Variants in MNDA observed in about 807,000 individuals in gnomAD.
The protein encoded by MNDA is myeloid cell nuclear differentiation antigen, also known as epididymis secretory sperm binding protein.
Under a neutral mutation model 37.8 loss-of-function variants are expected in MNDA, and 43 were observed. The observed-to-expected ratio is 1.14, with a 90% CI of 0.89 to 1.47. The LOEUF (loss-of-function observed/expected upper bound fraction) is 1.47, where lower values mean the gene tolerates loss of function less well. Among genes scored for constraint, MNDA ranks in the 40% most tolerant of loss-of-function variants. The pLI is 0.00. For synonymous variants in MNDA, 181 were observed against 169.0 expected (o/e 1.07, Z -0.55); for missense variants, 536 against 476.0 (o/e 1.13, Z -1.17).
intron 5 of MNDA, 39 bp from the exon 6 acceptor site, chr1:158,847,689 C>G (rs1659162895): frequency 6.4e-7 from 1 of 1,567,296 alleles, no homozygotes. Context: ...ATGATACTAA[C>G]AATCCTCTCA....
intron 1 of MNDA, among the ~76,000 whole-genome samples, chr1:158,840,522 C>T (rs857869): frequency 0.43 from 65,407 of 151,964 alleles, 14,533 homozygotes; most frequent in East Asian, 0.56. Context: ...ATATCAGCCA[C>T]GTATTACTTC....
intron 1 of MNDA, among the ~76,000 whole-genome samples, chr1:158,835,935 A>G (rs185644886): frequency 6.6e-6 from 1 of 151,590 alleles, no homozygotes; most frequent in African/African-American, 2.4e-5. Flanking sequence ...TATTATCTTA[A>G]TTGATTTTTA....
intron 4 of MNDA, among the ~76,000 whole-genome samples, chr1:158,844,662 C>T (rs1409326784): frequency 6.6e-6 from 1 of 151,830 alleles, no homozygotes; most frequent in Non-Finnish European, 1.5e-5. Flanking sequence ...CCAAGTCTTT[C>T]CACTTGTAAA....
rs766380228 is a variant in MNDA at position 158,845,772 on chromosome 1, C to T, written c.756C>T (p.Phe252=). 9 of 1,613,978 alleles carry T rather than the reference C, an allele frequency of 5.6e-6. No homozygotes were observed. The highest frequency in any genetic ancestry group is 1.3e-5 in the African/African-American group (1 of 74,984). The change falls in exon 5 of 7, where the codon TTC becomes TTT. Residue 252 remains phenylalanine, a synonymous_variant. Coordinates refer to ENST00000368141, the MANE Select transcript of MNDA (RefSeq NM_002432.3). ...SKTQYFHVKV[F]DINLKEKFVR... is the part of the protein sequence containing the mutation. ...CTCAATATTTCCATGTGAAAGTCTT[C>T]GACATCAACTTGAAAGAGAAATTTG... is the stretch of plus-strand genomic sequence containing the variant.
chr1:158,843,623 T>C (rs1659073644), intron 3 of MNDA, among the ~76,000 whole-genome samples: 1 of 152,214 alleles, frequency 6.6e-6, no homozygotes, highest in Admixed American at 6.5e-5. Context: ...ATTATAAAAA[T>C]GGGGTAATAA....
In MNDA at chr1:158,844,187, C is replaced by T. The variant is rs542780925; in HGVS notation, c.570+65C>T. ...CCAGTCACAGTGCATTCCACTGTTACTATTGTTACTCTCATGCATAACTCT... is the reference window on the plus strand; with the variant it reads ...CCAGTCACAGTGCATTCCACTGTTATTATTGTTACTCTCATGCATAACTCT... On this transcript the variant is annotated intron_variant, in intron 4 of 6. Coordinates refer to ENST00000368141, the MANE Select transcript of MNDA (RefSeq NM_002432.3). 2.3e-6 allele frequency: 3 copies of T among 1,326,200 alleles called. No homozygotes were observed. In the African/African-American group the frequency reaches 4.4e-5, roughly 20 times the overall value. 82.2% of individuals were successfully genotyped at this position (1,326,200 alleles called of 1,614,324 possible).
At chr1:158,839,003 T>G (rs1470258442) in intron 1 of MNDA, among the ~76,000 whole-genome samples, 2 of 152,196 alleles carry the variant, frequency 1.3e-5, no homozygotes, top group Non-Finnish European at 2.9e-5. Flanking sequence ...TGTCTCTACC[T>G]ATTTTCCTTT....
rs780583030 is a variant in MNDA at position 158,847,778 on chromosome 1, A to T, written c.1038A>T (p.Gly346=). The part of the protein sequence containing the change: ...NTIYEIQDNT[G]SMDVVGSGKW... Reference sequence around the variant, plus strand: ...TTTATGAAATACAGGATAATACAGGATCCATGGATGTAGTGGGGAGTGGAA... The same window carrying T: ...TTTATGAAATACAGGATAATACAGGTTCCATGGATGTAGTGGGGAGTGGAA... Residue 346 remains glycine (G), a synonymous_variant, in exon 6 of 7, where the codon GGA becomes GGT. Transcript: ENST00000368141. The T allele has an allele frequency of 1.7e-5, 27 of 1,613,908 alleles. No homozygotes were observed. The Admixed American group carries it at 4.5e-4, about 27-fold the overall frequency.
intron 2 of MNDA, 106 bp from the exon 3 acceptor site, chr1:158,843,173 C>T: frequency 5.0e-6 from 7 of 1,412,264 alleles, no homozygotes; most frequent in Non-Finnish European, 4.7e-6. Flanking sequence ...CAAATCCGAA[C>T]TCTCATGCAG....
chr1:158,846,461 A>T (rs1659135785), intron 5 of MNDA, among the ~76,000 whole-genome samples: 1 of 152,240 alleles, frequency 6.6e-6, no homozygotes. Context: ...AAATGCAAAT[A>T]CATTCAACAG....
At chr1:158,835,197 A>G (rs957723919) in intron 1 of MNDA, among the ~76,000 whole-genome samples, 7 of 152,190 alleles carry the variant, frequency 4.6e-5, no homozygotes, top group Non-Finnish European at 8.8e-5. Flanking sequence ...ATTGCATTGC[A>G]TATGCAGTTC....
At chr1:158,848,345 A>G (rs1012085399) in intron 6 of MNDA, among the ~76,000 whole-genome samples, 1 of 152,124 alleles carries the variant, frequency 6.6e-6, no homozygotes, top group Non-Finnish European at 1.5e-5. Context: ...TTATCTCACA[A>G]CCTGGCACAT....
intron 2 of MNDA, chr1:158,842,666 A>G (rs1409277627): frequency 3.0e-6 from 1 of 329,538 alleles, no homozygotes; most frequent in African/African-American, 2.1e-5. Context: ...GATTTATGAG[A>G]CGGTGAGTGT....
At chr1:158,843,522 T>A in intron 3 of MNDA, 107 bp downstream of exon 3, 1 of 1,182,682 alleles carries the variant, frequency 8.5e-7, no homozygotes, top group Non-Finnish European at 1.1e-6. Context: ...ACCAAATTAG[T>A]AATTATGGAT....
intron 2 of MNDA, chr1:158,842,630 G>A: frequency 7.5e-6 from 3 of 402,290 alleles, no homozygotes; most frequent in Non-Finnish European, 1.3e-5. Flanking sequence ...ATGTATTTGA[G>A]GTAAGGATAA....
chr1:158,844,145 C>T, intron 4 of MNDA, 23 bp downstream of exon 4: 5 of 1,515,492 alleles, frequency 3.3e-6, no homozygotes, highest in African/African-American at 1.4e-5. Context: ...TGGTCCTCTT[C>T]TCCATTTTTT....
At chr1:158,845,029 C>T (rs1390723354) in intron 4 of MNDA, among the ~76,000 whole-genome samples, 1 of 152,074 alleles carries the variant, frequency 6.6e-6, no homozygotes, top group Non-Finnish European at 1.5e-5. Context: ...ATTTAATTTC[C>T]AAGCCTGTTG....
intron 4 of MNDA, 104 bp from the exon 5 acceptor site, chr1:158,845,483 A>G (rs1362973431): frequency 1.2e-5 from 14 of 1,123,200 alleles, no homozygotes; most frequent in African/African-American, 3.2e-5. Context: ...CTCGTGATCC[A>G]CCCGCCTCGG....
chr1:158,839,845 G>T (rs920150635), intron 1 of MNDA, among the ~76,000 whole-genome samples: 4 of 152,152 alleles, frequency 2.6e-5, no homozygotes, highest in Non-Finnish European at 5.9e-5. Context: ...TTTATTTGGT[G>T]TTTCCATGGT....
Sources: gnomAD v4.1 joint callset for allele counts (sites outside exome capture counted in the v4.1 genomes callset) on GRCh38, gnomAD v4.1.1 for gene constraint, MANE v1.5 for transcripts, NCBI Gene and HGNC (gene_info 2026-07-23, HGNC 2026-07-21) for gene names.